Variants in FAT4 observed in about 807,000 individuals in gnomAD.
FAT4 encodes the protein FAT atypical cadherin 4.
FAT4 carries 84 observed loss-of-function variants against 303.9 expected under a neutral mutation model. The ratio of observed to expected loss-of-function variants is 0.28; its 90% CI spans 0.23 to 0.33. FAT4 has a LOEUF of 0.33. Among genes scored for constraint, FAT4 ranks in the 10% least tolerant of loss-of-function variants. The probability of loss-of-function intolerance (pLI) is 1.00; values close to 1 mark genes in which losing one functional copy is unlikely to be tolerated. For synonymous variants in FAT4, 2,307 were observed against 2,298.8 expected, an observed-to-expected ratio of 1.00 and a Z score of -0.10; for missense variants, 6,005 against 6,146.8, an observed-to-expected ratio of 0.98 and a Z score of 0.77.
intron 2 of FAT4, among the ~76,000 whole-genome samples, chr4:125,382,578 A>G (rs1733582657): frequency 6.6e-6 from 1 of 152,170 alleles, no homozygotes; most frequent in South Asian, 2.1e-4. Flanking sequence ...TAGAGTAGAC[A>G]TAGCATACTT....
intron 12 of FAT4, among the ~76,000 whole-genome samples, chr4:125,470,415 T>C (rs555257462): frequency 5.3e-5 from 8 of 152,332 alleles, no homozygotes; most frequent in African/African-American, 1.9e-4. Flanking sequence ...TCTCTAGCTA[T>C]GAAAATCCTA....
In FAT4 at chr4:125,319,054, A is replaced by T. The variant is rs764208409; in HGVS notation, c.2643A>T (p.Ile881=). 1.2e-6 allele frequency: 2 copies of T among 1,614,184 alleles called. No individual in the cohort carries two copies. The highest frequency in any genetic ancestry group is 2.2e-5 in the South Asian group (2 of 91,082). The change falls in exon 2 of 18, where the codon ATA becomes ATT. Residue 881 remains isoleucine, a synonymous_variant. Transcript: ENST00000394329. Reference sequence around the variant, plus strand: ...TGACTGGAGACACTATGGTTAACATAACAGTTAAGGATTTGAATGACAACT... The same window carrying T: ...TGACTGGAGACACTATGGTTAACATTACAGTTAAGGATTTGAATGACAACT... ...GTVTGDTMVN[I]TVKDLNDNSP...
At position 125,487,548 on chromosome 4, in the gene FAT4, G is replaced by C; in HGVS notation, c.13026G>C (p.Val4342=). The change falls in exon 17 of 18, where the codon GTG becomes GTC. Residue 4342 remains valine, a synonymous_variant. Coordinates refer to ENST00000394329, the MANE Select transcript of FAT4 (RefSeq NM_001291303.3). ...HPTQDFGGLD[V]LTISLGGIPP... The stretch of plus-strand genomic sequence containing the variant: ...CTCAGGACTTCGGTGGCCTTGATGT[G>C]CTTACTATATCACTTGGAGGAATTC... The C allele has an allele frequency of 6.2e-7, 1 of 1,613,596 alleles. No homozygotes were observed. Among genetic ancestry groups the C allele is most frequent in the Non-Finnish European group, 8.5e-7 (1 of 1,179,730 alleles).
In FAT4 at chr4:125,315,029, C is replaced by T. The variant is rs571515695; in HGVS notation, c.-961C>T. ...GCTCCAGCTCGCGGTCTTCCCTCCC[C>T]CTCTGTTTGTGTTTCGGCGACGCGC... is the stretch of plus-strand genomic sequence containing the variant. On this transcript the variant is annotated 5_prime_UTR_variant, in exon 1 of 18. Transcript: ENST00000394329. 1.4e-4 allele frequency among the ~76,000 whole-genome samples: 22 copies of T among 152,228 alleles called. No individual in the cohort carries two copies. The South Asian group carries it at 4.6e-3, about 32-fold the overall frequency.
At chr4:125,341,956 T>C (rs1731814812) in intron 2 of FAT4, among the ~76,000 whole-genome samples, 1 of 152,022 alleles carries the variant, frequency 6.6e-6, no homozygotes, top group Non-Finnish European at 1.5e-5. Context: ...CATTTCTTCA[T>C]TTTATAAAAT....
At chr4:125,339,012 G>A (rs1731674618) in intron 2 of FAT4, among the ~76,000 whole-genome samples, 1 of 151,970 alleles carries the variant, frequency 6.6e-6, no homozygotes, top group African/African-American at 2.4e-5. Flanking sequence ...TTTCCTTCCT[G>A]TTTGAATACA....
intron 13 of FAT4, 121 bp from the exon 14 acceptor site, chr4:125,477,034 A>C: frequency 1.4e-6 from 1 of 713,886 alleles, no homozygotes; most frequent in Non-Finnish European, 2.0e-6. Flanking sequence ...TTTTCCATTG[A>C]AATTTATCAC....
intron 12 of FAT4, among the ~76,000 whole-genome samples, chr4:125,475,813 C>T (rs890159673): frequency 6.6e-6 from 1 of 151,998 alleles, no homozygotes; most frequent in South Asian, 2.1e-4. Context: ...ACAATAAACA[C>T]GTTTCTTAAG....
In FAT4 at chr4:125,357,200, G is replaced by A. The variant is rs77240398; in HGVS notation, c.5175+35614G>A. ...TGAGTACCTGTAAACAAAAAGAAGCGTTGAAACCTTTTAGGGAGTTATGAG... is the reference window on the plus strand; with the variant it reads ...TGAGTACCTGTAAACAAAAAGAAGCATTGAAACCTTTTAGGGAGTTATGAG... On this transcript the variant is annotated intron_variant, in intron 2 of 17. Coordinates refer to ENST00000394329, the MANE Select transcript of FAT4 (RefSeq NM_001291303.3). 1.4e-3 allele frequency among the ~76,000 whole-genome samples: 220 copies of A among 152,180 alleles called. 4 individuals carry two copies. The East Asian group carries it at 0.032, about 22-fold the overall frequency.
At chr4:125,367,049 T>C (rs1353553508) in intron 2 of FAT4, among the ~76,000 whole-genome samples, 1 of 152,174 alleles carries the variant, frequency 6.6e-6, no homozygotes, top group South Asian at 2.1e-4. Flanking sequence ...TTCTGTAGGA[T>C]GTTTGTTCAC....
At chr4:125,438,373 G>A (rs143565870) in intron 8 of FAT4, among the ~76,000 whole-genome samples, 1 of 152,180 alleles carries the variant, frequency 6.6e-6, no homozygotes, top group African/African-American at 2.4e-5. Flanking sequence ...TAGAAAAATT[G>A]TATTCATACT....
intron 16 of FAT4, among the ~76,000 whole-genome samples, chr4:125,485,557 C>A (rs1578698609): frequency 6.6e-6 from 1 of 152,240 alleles, no homozygotes; most frequent in East Asian, 1.9e-4. Flanking sequence ...TCTTCAGGGA[C>A]AATAACACAG....
At chr4:125,365,882 A>T (rs546696051) in intron 2 of FAT4, among the ~76,000 whole-genome samples, 1 of 152,306 alleles carries the variant, frequency 6.6e-6, no homozygotes, top group East Asian at 1.9e-4. Context: ...GCCACTGACC[A>T]GTACGGGTCT....
intron 7 of FAT4, among the ~76,000 whole-genome samples, chr4:125,421,626 T>A (rs1724893794): frequency 1.3e-5 from 2 of 152,214 alleles, no homozygotes; most frequent in Admixed American, 6.5e-5. Context: ...ACTTTGGGGA[T>A]GCTACAGTTA....
intron 2 of FAT4, among the ~76,000 whole-genome samples, chr4:125,336,320 T>G (rs1731575394): frequency 6.6e-6 from 1 of 152,060 alleles, no homozygotes; most frequent in Admixed American, 6.5e-5. Flanking sequence ...TGCATTTATT[T>G]ATTTTAAGTA....
At position 125,336,715 on chromosome 4, in the gene FAT4, G is replaced by A. The variant is rs190721557; in HGVS notation, c.5175+15129G>A. On this transcript the variant is annotated intron_variant, in intron 2 of 17. Transcript: ENST00000394329. ...GTCCATTCTGGTTGTGCTTTTTTGAGTAAGTGGTCTTAGTTGTATTTTAAT... is the reference window on the plus strand; with the variant it reads ...GTCCATTCTGGTTGTGCTTTTTTGAATAAGTGGTCTTAGTTGTATTTTAAT... 2.8e-4 allele frequency among the ~76,000 whole-genome samples: 43 copies of A among 151,992 alleles called. 2 individuals carry two copies. In the East Asian group the frequency reaches 7.9e-3, roughly 28 times the overall value.
chr4:125,489,845 C>CTGTTTTTTTT, intron 17 of FAT4, 56 bp from the exon 18 acceptor site: 1 of 465,044 alleles, frequency 2.2e-6, no homozygotes, highest in East Asian at 5.8e-5. Context: ...GTAGTATAAG[C>CTGTTTTTTTT]TCTTTTTTTT....
intron 3 of FAT4, 39 bp downstream of exon 3, chr4:125,398,954 G>A: frequency 6.2e-7 from 1 of 1,602,912 alleles, no homozygotes; most frequent in Non-Finnish European, 8.5e-7. Flanking sequence ...AAACTTCGTA[G>A]TGCAGTGATT....
At chr4:125,388,766 AC>A (rs1279906081) in intron 2 of FAT4, among the ~76,000 whole-genome samples, 2 of 152,176 alleles carry the variant, frequency 1.3e-5, no homozygotes, top group African/African-American at 4.8e-5. Flanking sequence ...GCACAACAAA[AC>A]TAGCTTTTTA....
Sources: allele counts gnomAD v4.1 joint callset (sites outside exome capture counted in the v4.1 genomes callset), GRCh38; gene constraint gnomAD v4.1.1; transcripts MANE v1.5; gene names NCBI Gene and HGNC (gene_info 2026-07-23, HGNC 2026-07-21).